CTNNA2: variants seen among roughly 807,000 people sequenced by gnomAD.
The protein encoded by CTNNA2 is catenin alpha-2.
In CTNNA2, 42 loss-of-function variants were observed where a neutral mutation model predicts 101.0. The observed-to-expected ratio is 0.42, with a 90% CI of 0.32 to 0.54. CTNNA2 has a LOEUF of 0.54. CTNNA2 is among the 20% of genes least tolerant of loss of function. The probability of loss-of-function intolerance (pLI) is 0.14; values close to 1 mark genes in which losing one functional copy is unlikely to be tolerated. For missense variants in CTNNA2, 871 were observed against 1,223.1 expected, an observed-to-expected ratio of 0.71 and a Z score of 4.29; for synonymous variants, 450 against 456.4, an observed-to-expected ratio of 0.99 and a Z score of 0.18.
At chr2:79,469,318 G>T (rs529678645) in intron 4 of CTNNA2, among the ~76,000 whole-genome samples, 1 of 152,208 alleles carries the variant, frequency 6.6e-6, no homozygotes, top group African/African-American at 2.4e-5. Context: ...ACCCTCCCAA[G>T]ACTAAACCAG....
chr2:80,282,270 G>T (rs1674441700), intron 7 of CTNNA2, among the ~76,000 whole-genome samples: 1 of 145,106 alleles, frequency 6.9e-6, no homozygotes, highest in Non-Finnish European at 1.5e-5. Context: ...TTATTTATTT[G>T]CTGTTTTTTT....
intron 9 of CTNNA2, among the ~76,000 whole-genome samples, chr2:80,476,414 A>T (rs1350787521): frequency 6.6e-6 from 1 of 152,192 alleles, no homozygotes; most frequent in Non-Finnish European, 1.5e-5. Context: ...TTGATACACT[A>T]GTTGTAGGAA....
At chr2:79,860,267 C>T (rs917743569) in intron 4 of CTNNA2, among the ~76,000 whole-genome samples, 3 of 152,162 alleles carry the variant, frequency 2.0e-5, no homozygotes, top group African/African-American at 4.8e-5. Flanking sequence ...ATTAACCTTA[C>T]ATCTCATATG....
chr2:80,477,440 T>G (rs759014691), intron 9 of CTNNA2, among the ~76,000 whole-genome samples: 78 of 152,108 alleles, frequency 5.1e-4, no homozygotes, highest in Non-Finnish European at 9.9e-4. Flanking sequence ...AAATCTGGGC[T>G]TTTAGTGTAC....
intron 7 of CTNNA2, among the ~76,000 whole-genome samples, chr2:79,996,810 C>T (rs533633234): frequency 5.3e-5 from 8 of 152,130 alleles, no homozygotes; most frequent in South Asian, 2.1e-4. Flanking sequence ...CACTGGGGAG[C>T]GATAGGAAAC....
intron 4 of CTNNA2, among the ~76,000 whole-genome samples, chr2:79,386,800 T>A (rs1678110850): frequency 6.6e-6 from 1 of 152,234 alleles, no homozygotes; most frequent in Admixed American, 6.5e-5. Flanking sequence ...ATTTTGTCTG[T>A]CCTTTTTGGT....
At chr2:80,196,080 T>C (rs926380082) in intron 7 of CTNNA2, among the ~76,000 whole-genome samples, 2 of 152,212 alleles carry the variant, frequency 1.3e-5, no homozygotes, top group Admixed American at 1.3e-4. Context: ...AAATTATGTC[T>C]TTGAATGTGT....
chr2:79,893,768 T>G (rs918136086), intron 6 of CTNNA2, among the ~76,000 whole-genome samples: 2 of 152,186 alleles, frequency 1.3e-5, no homozygotes, highest in Non-Finnish European at 2.9e-5. Flanking sequence ...AGTTTGTTCT[T>G]TAGAGATATT....
intron 4 of CTNNA2, among the ~76,000 whole-genome samples, chr2:79,494,268 A>T (rs960040244): frequency 4.3e-5 from 5 of 117,066 alleles, no homozygotes; most frequent in African/African-American, 1.7e-4. Flanking sequence ...AAAAATTCCC[A>T]GCTGCCCTAT....
At chr2:79,788,679 A>G (rs1253829431) in intron 3 of CTNNA2, among the ~76,000 whole-genome samples, 2 of 152,182 alleles carry the variant, frequency 1.3e-5, no homozygotes, top group African/African-American at 2.4e-5. Context: ...ATATGTATAC[A>G]TGCACATACA....
chr2:80,257,446 G>A (rs1158064094), intron 7 of CTNNA2, among the ~76,000 whole-genome samples: 2 of 152,092 alleles, frequency 1.3e-5, no homozygotes, highest in South Asian at 2.1e-4. Context: ...GTAGTAAAAG[G>A]ACTTTTGAAA....
At chr2:79,554,830 GTTTGT>G (rs1266142072) in intron 1 of CTNNA2, among the ~76,000 whole-genome samples, 2 of 152,094 alleles carry the variant, frequency 1.3e-5, no homozygotes, top group African/African-American at 4.8e-5. Flanking sequence ...GTTTTCTTAT[GTTTGT>G]TTTCTTTCTT....
chr2:79,423,168 A>G (rs1261809650), intron 4 of CTNNA2, among the ~76,000 whole-genome samples: 2 of 152,112 alleles, frequency 1.3e-5, no homozygotes, highest in Admixed American at 1.3e-4. Context: ...AGACCCCAGG[A>G]TGTCTCTGAA....
At chr2:80,182,772 AGAGG>A (rs1705863277) in intron 7 of CTNNA2, among the ~76,000 whole-genome samples, 1 of 152,194 alleles carries the variant, frequency 6.6e-6, no homozygotes, top group Non-Finnish European at 1.5e-5. Context: ...AGTTGAGGAC[AGAGG>A]TTTCCAGGCA....
intron 2 of CTNNA2, among the ~76,000 whole-genome samples, chr2:79,670,715 T>C (rs2104581107): frequency 6.6e-6 from 1 of 152,232 alleles, no homozygotes; most frequent in African/African-American, 2.4e-5. Flanking sequence ...ATCATCACAG[T>C]GGTTCTGGAT....
rs113989480 is a variant in CTNNA2, at chr2:80,120,281, A to G, written c.1056+210484A>G. Among the ~76,000 whole-genome samples the G allele has an allele frequency of 9.3e-3, 1,420 of 152,288 alleles. 19 individuals carry two copies. The highest frequency in any genetic ancestry group is 0.027 in the African/African-American group (1,107 of 41,558). On this transcript the variant is annotated intron_variant, in intron 7 of 18. Coordinates refer to ENST00000402739, the MANE Select transcript of CTNNA2 (RefSeq NM_001282597.3). ...ATAATTTCCAGTGTAAATTTTGTGAATATATGGGTGCAATTTTACTGTTTT... is the reference window on the plus strand; with the variant it reads ...ATAATTTCCAGTGTAAATTTTGTGAGTATATGGGTGCAATTTTACTGTTTT...
At chr2:79,625,476 A>G (rs1200126401) in intron 1 of CTNNA2, among the ~76,000 whole-genome samples, 1 of 152,256 alleles carries the variant, frequency 6.6e-6, no homozygotes, top group Non-Finnish European at 1.5e-5. Context: ...CATCTGAAAA[A>G]ATAGATACTA....
intron 7 of CTNNA2, among the ~76,000 whole-genome samples, chr2:80,360,556 G>A (rs1216789473): frequency 6.6e-6 from 1 of 151,982 alleles, no homozygotes; most frequent in Admixed American, 6.6e-5. Context: ...ACTAATTTTA[G>A]GTCATAATAC....
intron 2 of CTNNA2, among the ~76,000 whole-genome samples, chr2:79,668,379 ATG>A (rs1157109476): frequency 6.6e-6 from 1 of 151,844 alleles, no homozygotes; most frequent in Non-Finnish European, 1.5e-5. Flanking sequence ...ATTTAAATGA[ATG>A]TATGAGCTAA....
Sources: allele counts gnomAD v4.1 joint callset (sites outside exome capture counted in the v4.1 genomes callset), GRCh38; gene constraint gnomAD v4.1.1; transcripts MANE v1.5; gene names NCBI Gene and HGNC (gene_info 2026-07-23, HGNC 2026-07-21).